The following DAB1 variants were observed in gnomAD, a reference collection of about 807,000 sequenced individuals.
DAB1 encodes disabled homolog 1.
A neutral mutation model predicts 64.6 loss-of-function variants in DAB1; 15 were observed. The ratio of observed to expected loss-of-function variants is 0.23; its 90% confidence interval spans 0.16 to 0.36. DAB1 has a LOEUF of 0.36. Ranked by LOEUF, DAB1 falls within the 10% of genes least tolerant of loss-of-function variation. DAB1 has a pLI of 1.00. For missense variants in DAB1, 596 were observed against 706.7 expected, an observed-to-expected ratio of 0.84 and a Z score of 1.78; for synonymous variants, 235 against 251.9, an observed-to-expected ratio of 0.93 and a Z score of 0.64.
At chr1:58,537,275 T>C (rs1646533061) in intron 1 of DAB1, among the ~76,000 whole-genome samples, 1 of 151,924 alleles carries the variant, frequency 6.6e-6, no homozygotes, top group African/African-American at 2.4e-5. Flanking sequence ...ATGTAAGAGG[T>C]TACAGTACAA....
At chr1:57,585,269 A>G (rs1306955330) in intron 7 of DAB1, among the ~76,000 whole-genome samples, 26 of 151,336 alleles carry the variant, frequency 1.7e-4, no homozygotes, top group Admixed American at 1.5e-3. Context: ...AAAAAAAAAA[A>G]AAAAAAGACT....
chr1:58,500,350 G>A (rs1393593391), intron 3 of DAB1, among the ~76,000 whole-genome samples: 1 of 152,092 alleles, frequency 6.6e-6, no homozygotes, highest in Non-Finnish European at 1.5e-5. Flanking sequence ...GTATGTTTGT[G>A]TACACTGGCC....
At chr1:57,975,170 A>G (rs977045344) in intron 5 of DAB1, among the ~76,000 whole-genome samples, 1 of 152,208 alleles carries the variant, frequency 6.6e-6, no homozygotes, top group African/African-American at 2.4e-5. Context: ...GACAACCAAC[A>G]GCAAAACCAG....
chr1:58,443,714 AT>A (rs1645036960), intron 3 of DAB1, among the ~76,000 whole-genome samples: 1 of 152,238 alleles, frequency 6.6e-6, no homozygotes, highest in South Asian at 2.1e-4. Context: ...AGGTCACTTT[AT>A]AAAGAGCAAA....
At chr1:58,228,930 ATGC>A in intron 4 of DAB1, 1 of 478,682 alleles carries the variant, frequency 2.1e-6, no homozygotes, top group Non-Finnish European at 4.1e-6. Flanking sequence ...GCAATCAAAT[ATGC>A]TGCTAGATTG....
chr1:57,936,165 G>A lies in DAB1; in HGVS notation n.388-52003C>T, dbSNP rs370214892. Among the ~76,000 whole-genome samples the A allele has an allele frequency of 1.4e-3, 210 of 152,316 alleles. 8 individuals are homozygous for A. The South Asian group carries it at 0.041, about 30-fold the overall frequency. The stretch of plus-strand genomic sequence containing the variant: ...GCAGGAGCCCTTCAATAAATAATCA[G>A]CCTTGAGAATGGAAGACTCACACAG... On this transcript the variant is annotated intron_variant and non_coding_transcript_variant, in intron 5 of 20. Coordinates refer to the DAB1 transcript ENST00000485760.
At chr1:58,125,275 T>C (rs1652992500) in intron 5 of DAB1, among the ~76,000 whole-genome samples, 1 of 152,140 alleles carries the variant, frequency 6.6e-6, no homozygotes, top group African/African-American at 2.4e-5. Context: ...AAAACATAAA[T>C]TTTGGTTCAG....
intron 1 of DAB1, among the ~76,000 whole-genome samples, chr1:57,347,952 G>C (rs1268731599): frequency 1.3e-5 from 2 of 152,070 alleles, no homozygotes; most frequent in Admixed American, 1.3e-4. Context: ...AAAACTGTAA[G>C]AAAATTCATT....
chr1:58,266,775 AC>A (rs1661173682), intron 4 of DAB1, among the ~76,000 whole-genome samples: 1 of 152,232 alleles, frequency 6.6e-6, no homozygotes, highest in Non-Finnish European at 1.5e-5. Flanking sequence ...ATGACAAAAA[AC>A]AATAATGTAA....
intron 5 of DAB1, among the ~76,000 whole-genome samples, chr1:57,994,048 C>T (rs1891975): frequency 0.97 from 147,181 of 152,320 alleles, 71,309 homozygotes; most frequent in East Asian, 1. Flanking sequence ...GCTACTATAG[C>T]AGAAGGCACA....
At chr1:58,512,174 G>A (rs945128473) in intron 2 of DAB1, among the ~76,000 whole-genome samples, 13 of 151,890 alleles carry the variant, frequency 8.6e-5, no homozygotes, top group Non-Finnish European at 1.9e-4. Flanking sequence ...TAATCATCAG[G>A]GCAATGCAAA....
intron 1 of DAB1, among the ~76,000 whole-genome samples, chr1:57,830,852 C>T (rs1451880579): frequency 6.6e-6 from 1 of 152,164 alleles, no homozygotes; most frequent in Non-Finnish European, 1.5e-5. Context: ...ATCTTGAGTA[C>T]TAAGTCCCAA....
At chr1:58,379,813 G>C (rs338946) in intron 3 of DAB1, among the ~76,000 whole-genome samples, 12,196 of 152,242 alleles carry the variant, frequency 0.08, 661 homozygotes, top group Non-Finnish European at 0.12. Flanking sequence ...AAGGTATGCA[G>C]GTGAGGCAGA....
intron 1 of DAB1, among the ~76,000 whole-genome samples, chr1:57,849,636 T>C (rs1408053913): frequency 6.6e-6 from 1 of 152,156 alleles, no homozygotes; most frequent in East Asian, 1.9e-4. Context: ...AAGGAGCAGG[T>C]TGAGACCCAG....
At chr1:57,636,118 A>AAAAAAAAAAAAAAAAAAG (rs1646053442) in intron 7 of DAB1, among the ~76,000 whole-genome samples, 1 of 149,466 alleles carries the variant, frequency 6.7e-6, no homozygotes, top group African/African-American at 2.5e-5. Context: ...AAAAAACAAA[A>AAAAAAAAAAAAAAAAAAG]ACAAAAAACT....
At chr1:57,197,061 C>A (rs766976706) in intron 2 of DAB1, among the ~76,000 whole-genome samples, 1 of 152,168 alleles carries the variant, frequency 6.6e-6, no homozygotes, top group Non-Finnish European at 1.5e-5. Flanking sequence ...CTTGGCCAGG[C>A]GCCGTGGCTA....
chr1:58,090,958 A>T (rs1446172815), intron 5 of DAB1, among the ~76,000 whole-genome samples: 1 of 152,210 alleles, frequency 6.6e-6, no homozygotes, highest in Non-Finnish European at 1.5e-5. Flanking sequence ...GTTCAGTGCT[A>T]CACACATTTA....
intron 1 of DAB1, among the ~76,000 whole-genome samples, chr1:58,534,760 C>A (rs1646490729): frequency 6.7e-6 from 1 of 148,934 alleles, no homozygotes; most frequent in South Asian, 2.1e-4. Context: ...CATGGTGAAA[C>A]CCCGTCTCTA....
intron 4 of DAB1, among the ~76,000 whole-genome samples, chr1:58,164,348 G>A (rs1254503473): frequency 6.6e-6 from 1 of 152,142 alleles, no homozygotes; most frequent in African/African-American, 2.4e-5. Flanking sequence ...ATTTTGCAAA[G>A]TTGGCTTGGG....
Sources: gnomAD v4.1 joint callset for allele counts (sites outside exome capture counted in the v4.1 genomes callset) on GRCh38, gnomAD v4.1.1 for gene constraint, MANE v1.5 for transcripts, NCBI Gene and HGNC (gene_info 2026-07-23, HGNC 2026-07-21) for gene names.